Variants in HP1BP3 observed in about 807,000 individuals in gnomAD.
The protein encoded by HP1BP3 is heterochromatin protein 1-binding protein 3.
A neutral mutation model predicts 62.5 loss-of-function variants in HP1BP3; 12 were observed. The observed-to-expected ratio is 0.19, with a 90% CI of 0.12 to 0.31. HP1BP3 has a LOEUF of 0.31. Ranked by LOEUF, HP1BP3 falls within the 10% of genes least tolerant of loss-of-function variation. HP1BP3 has a pLI of 1.00. For synonymous variants in HP1BP3, 260 were observed against 237.8 expected (o/e 1.09, Z -0.86); for missense variants, 502 against 651.8 (o/e 0.77, Z 2.50).
intron 8 of HP1BP3, among the ~76,000 whole-genome samples, 167 bp downstream of exon 8, chr1:20,765,210 A>AT (rs1312674208): frequency 6.6e-6 from 1 of 151,416 alleles, no homozygotes; most frequent in African/African-American, 2.4e-5. Flanking sequence ...ATACATGGAG[A>AT]TATGAAAATA....
At position 20,757,189 on chromosome 1, in the gene HP1BP3, T is replaced by A; in HGVS notation, c.958A>T (p.Lys320Ter). Reference sequence around the variant, plus strand: ...ACCTGGAATGTCCCCGAAGCACCTTTGCCAGTTATCTGTTCTAACTGGCCC... The same window carrying A: ...ACCTGGAATGTCCCCGAAGCACCTTAGCCAGTTATCTGTTCTAACTGGCCC... ...ERGQLEQITG[K>*]GASGTFQLKK... Residue 320 changes from lysine to a stop codon, truncating the protein, a stop_gained, in exon 9 of 13, where the codon AAA becomes TAA. Coordinates refer to ENST00000438032, the MANE Select transcript of HP1BP3 (RefSeq NM_001372052.1). LOFTEE classifies it high-confidence loss of function. The A allele has an allele frequency of 6.2e-7, 1 of 1,612,160 alleles. No individual in the cohort carries two copies. Among genetic ancestry groups the A allele is most frequent in the East Asian group, 2.2e-5 (1 of 44,870 alleles).
intron 9 of HP1BP3, among the ~76,000 whole-genome samples, chr1:20,756,582 G>A (rs1030882476): frequency 7.9e-5 from 12 of 152,068 alleles, no homozygotes; most frequent in South Asian, 2.1e-4. Flanking sequence ...AAAAAAGGCC[G>A]GGAGGTGGCA....
At position 20,757,193 on chromosome 1, in the gene HP1BP3, A is replaced by G; in HGVS notation, c.954T>C (p.Thr318=). ...GGAATGTCCCCGAAGCACCTTTGCCAGTTATCTGTTCTAACTGGCCCCTCT... is the reference window on the plus strand; with the variant it reads ...GGAATGTCCCCGAAGCACCTTTGCCGGTTATCTGTTCTAACTGGCCCCTCT... The part of the protein sequence containing the change: ...AVERGQLEQI[T]GKGASGTFQL... Residue 318 remains threonine, a synonymous_variant, in exon 9 of 13, where the codon ACT becomes ACC. Coordinates refer to ENST00000438032, the MANE Select transcript of HP1BP3 (RefSeq NM_001372052.1). 6.2e-7 allele frequency: 1 copy of G among 1,612,582 alleles called. No individual in the cohort carries two copies. The highest frequency in any genetic ancestry group is 1.1e-5 in the South Asian group (1 of 90,974).
chr1:20,747,589 T>C lies in HP1BP3; in HGVS notation c.1208A>G (p.Lys403Arg), dbSNP rs780194681. The C allele has an allele frequency of 1.2e-6, 2 of 1,613,824 alleles. No individual in the cohort carries two copies. Among genetic ancestry groups the C allele is most frequent in the Non-Finnish European group, 1.7e-6 (2 of 1,179,882 alleles). ...GAGCTGGAAGGTGCCACTGAACCCT[T>C]TCCCAGAGATCTGTTCCATCCACCC... is the stretch of plus-strand genomic sequence containing the variant. ...KNGWMEQISG[K>R]GFSGTFQLCF... The change falls in exon 11 of 13, where the codon AAA (lysine) becomes AGA (arginine). Residue 403 changes from lysine to arginine, a missense_variant. Around this residue, in one of 5 missense-constraint regions of HP1BP3, gnomAD observed 194 missense variants for 207.0 expected, o/e 0.94. Coordinates refer to ENST00000438032, the MANE Select transcript of HP1BP3 (RefSeq NM_001372052.1).
intron 11 of HP1BP3, among the ~76,000 whole-genome samples, chr1:20,746,717 T>G (rs568431007): frequency 6.6e-6 from 1 of 152,304 alleles, no homozygotes; most frequent in African/African-American, 2.4e-5. Flanking sequence ...AAACAGTCAA[T>G]GTTCTCCCCA....
intron 8 of HP1BP3, among the ~76,000 whole-genome samples, chr1:20,764,933 C>T (rs1386602300): frequency 6.6e-6 from 1 of 150,796 alleles, no homozygotes; most frequent in Non-Finnish European, 1.5e-5. Flanking sequence ...CTTTGGGAGG[C>T]CGAGGCAGGT....
At chr1:20,777,694 G>A (rs1442301798) in intron 3 of HP1BP3, among the ~76,000 whole-genome samples, 1 of 152,106 alleles carries the variant, frequency 6.6e-6, no homozygotes. Flanking sequence ...TCCTGACCTC[G>A]TGATCCACCC....
rs544789758 is a variant in HP1BP3, at chr1:20,776,827, A to C, written c.197-77T>G. On this transcript the variant is annotated intron_variant, in intron 3 of 12. Transcript: ENST00000438032. ...TCAATAAAAGGTAAAAGCTTATCTTATTAAACGGACCAGCCAAAGTCTCCA... is the reference window on the plus strand; with the variant it reads ...TCAATAAAAGGTAAAAGCTTATCTTCTTAAACGGACCAGCCAAAGTCTCCA... 2.6e-5 allele frequency: 34 copies of C among 1,283,822 alleles called. No individual in the cohort carries two copies. The South Asian group carries it at 5.3e-4, about 20-fold the overall frequency. The allele number at this position is 1,283,822 out of a possible 1,614,324, so 79.5% of individuals were successfully genotyped here. A position where few individuals can be genotyped will look rare whatever the true frequency, so the allele number is the denominator to read the frequency against.
At chr1:20,781,291 G>C (rs944510651) in intron 1 of HP1BP3, among the ~76,000 whole-genome samples, 3 of 152,012 alleles carry the variant, frequency 2.0e-5, no homozygotes, top group Admixed American at 2.0e-4. Flanking sequence ...GACCACTTAA[G>C]TATCTAGATC....
chr1:20,751,262 T>C (rs1446545269), intron 9 of HP1BP3, among the ~76,000 whole-genome samples: 1 of 152,162 alleles, frequency 6.6e-6, no homozygotes, highest in Non-Finnish European at 1.5e-5. Flanking sequence ...AGGCTATTAA[T>C]AGTCAAGTTT....
At chr1:20,781,881 C>G (rs2057567075) in intron 1 of HP1BP3, among the ~76,000 whole-genome samples, 1 of 152,210 alleles carries the variant, frequency 6.6e-6, no homozygotes, top group African/African-American at 2.4e-5. Context: ...CCGCCTCAGC[C>G]TCCCAAAGTG....
chr1:20,754,908 T>C (rs1464534776), intron 9 of HP1BP3, among the ~76,000 whole-genome samples: 2 of 152,224 alleles, frequency 1.3e-5, no homozygotes, highest in African/African-American at 2.4e-5. Flanking sequence ...AATTAGGCAA[T>C]GTTTCTTAGA....
chr1:20,757,388 T>TTGG (rs2056185156), intron 8 of HP1BP3, 132 bp from the exon 9 acceptor site: 1 of 379,024 alleles, frequency 2.6e-6, no homozygotes, highest in African/African-American at 2.1e-5. Context: ...TTTTTTTTTT[T>TTGG]GAGGTGGAGT....
At position 20,742,041 on chromosome 1, in the gene HP1BP3, A is replaced by G. The variant is rs777434569; in HGVS notation, c.*2756T>C. 7.2e-5 allele frequency among the ~76,000 whole-genome samples: 11 copies of G among 152,214 alleles called. No individual in the cohort carries two copies. Among genetic ancestry groups the G allele is most frequent in the Non-Finnish European group, 1.0e-4 (7 of 68,038 alleles). ...CATCACACTGAAACAAACTGTCCTTATAGTTAACAGAACGTTAGAGTTGGA... is the reference window on the plus strand; with the variant it reads ...CATCACACTGAAACAAACTGTCCTTGTAGTTAACAGAACGTTAGAGTTGGA... On this transcript the variant is annotated 3_prime_UTR_variant, in exon 13 of 13. Coordinates refer to ENST00000438032, the MANE Select transcript of HP1BP3 (RefSeq NM_001372052.1).
intron 4 of HP1BP3, chr1:20,776,327 C>CCCACAATTT (rs2154541266): frequency 2.3e-6 from 1 of 426,622 alleles, no homozygotes; most frequent in South Asian, 5.4e-5. Flanking sequence ...ATCAGATACT[C>CCCACAATTT]CCACAATAAA....
chr1:20,782,777 G>C (rs947384075), intron 1 of HP1BP3, among the ~76,000 whole-genome samples: 3 of 151,758 alleles, frequency 2.0e-5, no homozygotes, highest in African/African-American at 7.3e-5. Flanking sequence ...GTGCGCGCCT[G>C]TAATCCCAGA....
rs755744714 is a variant in HP1BP3 at position 20,745,656 on chromosome 1, G to A, written c.1254C>T (p.Ser418=). The change falls in exon 12 of 13, where the codon AGC becomes AGT. Residue 418 remains serine, a splice_region_variant and synonymous_variant. Transcript: ENST00000438032. ...TFQLCFPYYP[S]PGVLFPKKEP... ...CTTTCTTCGGAAACAGAACTCCTGGGCTATACGGGGAAAAATTAGATTAAA... is the reference window on the plus strand; with the variant it reads ...CTTTCTTCGGAAACAGAACTCCTGGACTATACGGGGAAAAATTAGATTAAA... 3 of 1,612,836 alleles carry A rather than the reference G, an allele frequency of 1.9e-6. No individual in the cohort carries two copies. The highest frequency in any genetic ancestry group is 2.2e-5 in the South Asian group (2 of 90,996).
At chr1:20,783,467 T>G (rs1005994132) in intron 1 of HP1BP3, among the ~76,000 whole-genome samples, 1 of 151,582 alleles carries the variant, frequency 6.6e-6, no homozygotes, top group Non-Finnish European at 1.5e-5. Context: ...TGCAGTGACC[T>G]GAGATCATGC....
rs529498261 is a variant in HP1BP3, at chr1:20,741,773, C to A, written c.*3024G>T. 6.6e-6 allele frequency among the ~76,000 whole-genome samples: 1 copy of A among 152,348 alleles called. No individual in the cohort carries two copies. Among genetic ancestry groups the A allele is most frequent in the East Asian group, 1.9e-4 (1 of 5,194 alleles). ...GTATGAAACACTGTAAATGAGGTCA[C>A]TAAGCCACCAACAGAGTACTGAAGC... On this transcript the variant is annotated 3_prime_UTR_variant, in exon 13 of 13. Coordinates refer to ENST00000438032, the MANE Select transcript of HP1BP3 (RefSeq NM_001372052.1).
Sources: allele counts gnomAD v4.1 joint callset (sites outside exome capture counted in the v4.1 genomes callset), GRCh38; gene constraint gnomAD v4.1.1; regional missense constraint gnomAD v4.1.1; transcripts MANE v1.5; gene names NCBI Gene and HGNC (gene_info 2026-07-23, HGNC 2026-07-21).